Variants in GRIP1 observed in about 807,000 individuals in gnomAD.
GRIP1 encodes glutamate receptor-interacting protein 1.
A neutral mutation model predicts 129.9 loss-of-function variants in GRIP1; 45 were observed. The observed-to-expected ratio is 0.35, with a 90% CI of 0.27 to 0.44. The LOEUF (loss-of-function observed/expected upper bound fraction) is 0.44, where lower values mean the gene tolerates loss of function less well. GRIP1 is among the 20% of genes least tolerant of loss of function. The probability of loss-of-function intolerance (pLI) is 1.00; values close to 1 mark genes in which losing one functional copy is unlikely to be tolerated. For missense variants in GRIP1, 1,196 were observed against 1,396.8 expected, an observed-to-expected ratio of 0.86 and a Z score of 2.29; for synonymous variants, 530 against 520.8, an observed-to-expected ratio of 1.02 and a Z score of -0.24.
upstream of GRIP1, among the ~76,000 whole-genome samples, chr12:66,805,711 A>G (rs1223380522): frequency 6.6e-5 from 10 of 152,192 alleles, no homozygotes; most frequent in African/African-American, 2.4e-4. Context: ...TTTCAGATAT[A>G]AATTGATAAT....
At chr12:66,558,812 C>G (rs947495621) in intron 2 of GRIP1, among the ~76,000 whole-genome samples, 3 of 151,900 alleles carry the variant, frequency 2.0e-5, no homozygotes, top group African/African-American at 7.3e-5. Flanking sequence ...GGAGAGAATA[C>G]TTCAGAACTC....
intron 1 of GRIP1, among the ~76,000 whole-genome samples, chr12:66,926,031 G>A (rs901441888): frequency 2.0e-5 from 3 of 152,202 alleles, no homozygotes; most frequent in African/African-American, 7.2e-5. Flanking sequence ...CTGTTTATTA[G>A]ATATTTTAAT....
At chr12:66,560,965 AAATGTGGTACATACACAC>A (rs1359834718) in intron 2 of GRIP1, among the ~76,000 whole-genome samples, 1 of 152,202 alleles carries the variant, frequency 6.6e-6, no homozygotes, top group Non-Finnish European at 1.5e-5. Flanking sequence ...TGGATAAAGA[AAATGTGGTACATACACAC>A]AATGGAGTAC....
chr12:67,053,324 C>T (rs2043378356), intron 1 of GRIP1, among the ~76,000 whole-genome samples: 1 of 152,188 alleles, frequency 6.6e-6, no homozygotes, highest in Non-Finnish European at 1.5e-5. Flanking sequence ...ATATCTCTTT[C>T]CTGCCCTATT....
chr12:66,444,318 C>G (rs145307257), intron 13 of GRIP1, among the ~76,000 whole-genome samples: 1 of 151,066 alleles, frequency 6.6e-6, no homozygotes, highest in Non-Finnish European at 1.5e-5. Flanking sequence ...AACCCCGTCT[C>G]TACTAAAAAT....
At chr12:66,465,924 G>T (rs1247594244) in intron 7 of GRIP1, among the ~76,000 whole-genome samples, 3 of 152,142 alleles carry the variant, frequency 2.0e-5, no homozygotes, top group African/African-American at 7.2e-5. Context: ...AAAGAAGGAT[G>T]GATGGGTGGA....
rs545368925 is a variant in GRIP1, at chr12:66,858,968, C to G, written c.58+210082G>C. On this transcript the variant is annotated intron_variant, in intron 1 of 1. Transcript: ENST00000643019. Reference sequence around the variant, plus strand: ...TAAAGAATGAGATAACTTTGCCCATCAACAAATGATCACTATACCCATCAT... The same window carrying G: ...TAAAGAATGAGATAACTTTGCCCATGAACAAATGATCACTATACCCATCAT... 3.9e-5 allele frequency among the ~76,000 whole-genome samples: 6 copies of G among 151,940 alleles called. No homozygotes were observed. In the South Asian group the frequency reaches 1.0e-3, roughly 26 times the overall value.
upstream of GRIP1, among the ~76,000 whole-genome samples, chr12:66,807,523 A>T (rs926771957): frequency 5.3e-5 from 8 of 152,054 alleles, no homozygotes; most frequent in Non-Finnish European, 8.8e-5. Context: ...AATACAAAAA[A>T]ATTAGCCAGG....
chr12:66,811,466 CTAAT>C (rs2039101925), intron 1 of GRIP1, among the ~76,000 whole-genome samples: 1 of 151,792 alleles, frequency 6.6e-6, no homozygotes, highest in East Asian at 1.9e-4. Context: ...AAATATAGTG[CTAAT>C]TATAGTGTCT....
At chr12:67,026,500 C>T (rs1371884145) in intron 1 of GRIP1, among the ~76,000 whole-genome samples, 2 of 152,206 alleles carry the variant, frequency 1.3e-5, no homozygotes, top group South Asian at 2.1e-4. Flanking sequence ...AGTTAAAACA[C>T]GTAGGCCCTT....
chr12:66,558,833 G>C lies in GRIP1; in HGVS notation c.137-16883C>G, dbSNP rs183992659. On this transcript the variant is annotated intron_variant, in intron 2 of 24. Coordinates refer to ENST00000359742, the MANE Select transcript of GRIP1 (RefSeq NM_001366722.1). ...AATACTTCAGAACTCACTCTACAAG[G>C]CCAGTATTACCCTGATACCAAAACC... is the stretch of plus-strand genomic sequence containing the variant. Among the ~76,000 whole-genome samples, 374 of 151,946 alleles carry C rather than the reference G, an allele frequency of 2.5e-3. 1 individual carries two copies. The highest frequency in any genetic ancestry group is 4.1e-3 in the Non-Finnish European group (279 of 67,942).
chr12:66,732,237 A>ACATAAAGAT (rs2036460676), intron 1 of GRIP1, among the ~76,000 whole-genome samples: 1 of 152,104 alleles, frequency 6.6e-6, no homozygotes, highest in Admixed American at 6.6e-5. Flanking sequence ...AGCCTACTCA[A>ACATAAAGAT]CATAAAGATG....
chr12:66,527,518 G>A (rs1056915394), intron 5 of GRIP1, among the ~76,000 whole-genome samples: 1 of 151,754 alleles, frequency 6.6e-6, no homozygotes, highest in Non-Finnish European at 1.5e-5. Context: ...ACTCCGGGGA[G>A]TGTTGTGGGG....
In GRIP1 at chr12:66,465,260, T is replaced by G; in HGVS notation, c.872+15A>C. ...TGCGCCTGGCGGAAAAGTAGGCACT[T>G]TCTACAATACTTACCTGTCTGCAAT... is the stretch of plus-strand genomic sequence containing the variant. On this transcript the variant is annotated intron_variant, in intron 8 of 24. Transcript: ENST00000359742. 6.2e-7 allele frequency: 1 copy of G among 1,612,308 alleles called. No homozygotes were observed. The highest frequency in any genetic ancestry group is 8.5e-7 in the Non-Finnish European group (1 of 1,178,614).
intron 13 of GRIP1, among the ~76,000 whole-genome samples, chr12:66,443,450 CTT>C (rs111303748): frequency 2.2e-5 from 3 of 136,974 alleles, no homozygotes; most frequent in Admixed American, 7.2e-5. Context: ...TTTTCTCTTT[CTT>C]TTTTTTTTTT....
At chr12:66,723,674 A>G (rs2904530) in intron 1 of GRIP1, among the ~76,000 whole-genome samples, 33,414 of 151,928 alleles carry the variant, frequency 0.22, 3,863 homozygotes, top group Non-Finnish European at 0.23. Context: ...TGGCTTCACC[A>G]TGGAGCTTTC....
rs944417750 is a variant in GRIP1 at position 66,594,037 on chromosome 12, C to T, written c.136+2810G>A. ...GAGCCGAGATCGTGCCACTGTACTC[C>T]AGCCTGGGTGACAGAGCAAGACTCC... On this transcript the variant is annotated intron_variant, in intron 2 of 24. Transcript: ENST00000359742. 2.4e-5 allele frequency among the ~76,000 whole-genome samples: 3 copies of T among 125,834 alleles called. No individual in the cohort carries two copies. The Admixed American group carries it at 3.1e-4, about 13-fold the overall frequency. The allele number at this position is 125,834 out of a possible 152,430, so 82.6% of individuals were successfully genotyped here.
intron 1 of GRIP1, among the ~76,000 whole-genome samples, chr12:67,043,719 G>A (rs774378): frequency 0.89 from 135,172 of 152,062 alleles, 60,481 homozygotes; most frequent in Non-Finnish European, 0.95. Flanking sequence ...TAAGGCCAGA[G>A]AAAAACCCCA....
intron 2 of GRIP1, among the ~76,000 whole-genome samples, chr12:66,585,796 T>C (rs918197999): frequency 1.1e-4 from 16 of 151,526 alleles, no homozygotes; most frequent in African/African-American, 3.9e-4. Context: ...ATCGCCATTC[T>C]AACTGGTGTG....
Sources: gnomAD v4.1 joint callset for allele counts (sites outside exome capture counted in the v4.1 genomes callset) on GRCh38, gnomAD v4.1.1 for gene constraint, MANE v1.5 for transcripts, NCBI Gene and HGNC (gene_info 2026-07-23, HGNC 2026-07-21) for gene names.